Variants in CATSPERT observed in about 807,000 individuals in gnomAD.
CATSPERT encodes catsper channel auxiliary subunit tau.
chr2:201,593,471 G>A, the CATSPERT span, among the ~76,000 whole-genome samples: 1 of 147,420 alleles, frequency 6.8e-6, no homozygotes, highest in African/African-American at 2.5e-5. Flanking sequence ...GATTTGGGGT[G>A]GAGAGTTCTG....
the CATSPERT span, chr2:201,493,654 G>A: frequency 3.9e-6 from 6 of 1,537,062 alleles, no homozygotes; most frequent in Non-Finnish European, 4.4e-6. Context: ...CCAAGGTGTA[G>A]GTAATTGATT....
At chr2:201,609,702 G>A in the CATSPERT span, among the ~76,000 whole-genome samples, 6 of 152,154 alleles carry the variant, frequency 3.9e-5, no homozygotes, top group Non-Finnish European at 8.8e-5. Flanking sequence ...TGCTAAGAGG[G>A]AAGATTATAG....
chr2:201,566,192 C>T, the CATSPERT span, among the ~76,000 whole-genome samples: 1 of 151,290 alleles, frequency 6.6e-6, no homozygotes, highest in Admixed American at 6.6e-5. Flanking sequence ...ATCTCTAACT[C>T]TTTTTTTAAA....
At chr2:201,560,468 TAAC>T in the CATSPERT span, among the ~76,000 whole-genome samples, 295 of 63,164 alleles carry the variant, frequency 4.7e-3, 4 homozygotes, top group African/African-American at 0.02. Flanking sequence ...ATAATAATAA[TAAC>T]AACAACAACA....
At chr2:201,582,660 C>T in the CATSPERT span, among the ~76,000 whole-genome samples, 3 of 152,180 alleles carry the variant, frequency 2.0e-5, no homozygotes, top group Non-Finnish European at 4.4e-5. Flanking sequence ...TATCTAATAT[C>T]CTTTTCAGTC....
chr2:201,547,419 T>G, the CATSPERT span: 1 of 754,468 alleles, frequency 1.3e-6, no homozygotes, highest in Non-Finnish European at 2.0e-6. Flanking sequence ...GACAAAAAAT[T>G]TGATCATCAC....
chr2:201,609,513 A>T, the CATSPERT span, among the ~76,000 whole-genome samples: 1 of 152,240 alleles, frequency 6.6e-6, no homozygotes, highest in Non-Finnish European at 1.5e-5. Context: ...CAATGGAATA[A>T]AACTAGAAAT....
the CATSPERT span, chr2:201,534,308 C>T: frequency 2.7e-5 from 21 of 777,598 alleles, no homozygotes; most frequent in Non-Finnish European, 3.1e-5. Context: ...AGCAAGTCAA[C>T]CCCACAGTAT....
At chr2:201,536,294 G>A in the CATSPERT span, 1 of 1,602,442 alleles carries the variant, frequency 6.2e-7, no homozygotes, top group Non-Finnish European at 8.5e-7. Flanking sequence ...GTATAGTCAG[G>A]CCTTTCTCAG....
chr2:201,502,444 C>T, the CATSPERT span, among the ~76,000 whole-genome samples: 13 of 152,006 alleles, frequency 8.6e-5, no homozygotes, highest in East Asian at 5.8e-4. Context: ...TCATGGCACA[C>T]GCCTGTAATC....
At chr2:201,580,442 A>G in the CATSPERT span, among the ~76,000 whole-genome samples, 1 of 152,244 alleles carries the variant, frequency 6.6e-6, no homozygotes, top group Non-Finnish European at 1.5e-5. Context: ...TGCAAAAACA[A>G]TAATTTGTAA....
chr2:201,590,748 A>G, the CATSPERT span, among the ~76,000 whole-genome samples: 1 of 152,148 alleles, frequency 6.6e-6, no homozygotes, highest in Non-Finnish European at 1.5e-5. Context: ...GATGGAGAGC[A>G]TTTTTTCAAG....
At chr2:201,490,126 G>A in the CATSPERT span, among the ~76,000 whole-genome samples, 1 of 152,002 alleles carries the variant, frequency 6.6e-6, no homozygotes, top group Non-Finnish European at 1.5e-5. Flanking sequence ...CAAAGTGCTG[G>A]GATTATAGGC....
chr2:201,546,021 T>C, the CATSPERT span, among the ~76,000 whole-genome samples: 1 of 152,212 alleles, frequency 6.6e-6, no homozygotes, highest in African/African-American at 2.4e-5. Flanking sequence ...AAAAGTGATG[T>C]GTCTCTTTAC....
At chr2:201,597,718 G>A in the CATSPERT span, among the ~76,000 whole-genome samples, 1 of 152,080 alleles carries the variant, frequency 6.6e-6, no homozygotes, top group Non-Finnish European at 1.5e-5. Flanking sequence ...GTAGTTTTCT[G>A]TTTCATAGCT....
At chr2:201,566,814 T>C in the CATSPERT span, among the ~76,000 whole-genome samples, 1 of 152,184 alleles carries the variant, frequency 6.6e-6, no homozygotes, top group Non-Finnish European at 1.5e-5. Context: ...AGTTTAATAT[T>C]TTATTTTTAA....
the CATSPERT span, among the ~76,000 whole-genome samples, chr2:201,501,411 A>AAG: frequency 6.6e-6 from 1 of 150,550 alleles, no homozygotes; most frequent in East Asian, 1.9e-4. Context: ...AAAAAAAAAA[A>AAG]AAAAAAAAGA....
the CATSPERT span, chr2:201,603,404 T>C: frequency 6.9e-6 from 5 of 724,612 alleles, no homozygotes; most frequent in Non-Finnish European, 1.1e-5. Flanking sequence ...TTTGAAATAT[T>C]GTTTCTCATG....
At chr2:201,571,998 G>A in the CATSPERT span, 1 of 1,612,958 alleles carries the variant, frequency 6.2e-7, no homozygotes, top group Non-Finnish European at 8.5e-7. Flanking sequence ...GGATGGCTCA[G>A]TAATTTTCTG....
Sources: gnomAD v4.1 joint callset for allele counts (sites outside exome capture counted in the v4.1 genomes callset) on GRCh38, gnomAD v4.1.1 for gene constraint, MANE v1.5 for transcripts, NCBI Gene and HGNC (gene_info 2026-07-23, HGNC 2026-07-21) for gene names.